Variants in CMSS1 observed in about 807,000 individuals in gnomAD.
CMSS1 encodes protein CMSS1.
In CMSS1, 33 loss-of-function variants were observed where a neutral mutation model predicts 43.5. The observed-to-expected ratio is 0.76, with a 90% CI of 0.57 to 1.01. CMSS1 has a LOEUF of 1.01. Among genes scored for constraint, CMSS1 ranks in the 50% least tolerant of loss-of-function variants. CMSS1 has a pLI of 0.00. For synonymous variants in CMSS1, 115 were observed against 117.2 expected (o/e 0.98, Z 0.12); for missense variants, 313 against 326.4 (o/e 0.96, Z 0.32).
At chr3:99,957,186 C>T (rs575017356) in intron 1 of CMSS1, among the ~76,000 whole-genome samples, 140 of 152,238 alleles carry the variant, frequency 9.2e-4, no homozygotes, top group Non-Finnish European at 1.7e-3. Context: ...AAACATTCAT[C>T]AGGGTGATCT....
chr3:99,982,136 A>G (rs1447679572), intron 1 of CMSS1, among the ~76,000 whole-genome samples: 1 of 152,204 alleles, frequency 6.6e-6, no homozygotes, highest in Admixed American at 6.5e-5. Context: ...TAAAAAACTA[A>G]AACAATATAA....
chr3:100,091,184 C>G (rs1227546184), intron 1 of CMSS1, among the ~76,000 whole-genome samples: 3 of 151,106 alleles, frequency 2.0e-5, no homozygotes, highest in Non-Finnish European at 4.4e-5. Flanking sequence ...ACTCGGGAGG[C>G]TGAGGCAGGA....
intron 1 of CMSS1, among the ~76,000 whole-genome samples, chr3:100,078,760 G>A (rs2065888284): frequency 6.6e-6 from 1 of 152,056 alleles, no homozygotes; most frequent in East Asian, 1.9e-4. Context: ...GCATCATGGC[G>A]GGTGCCTGTA....
chr3:99,931,090 C>A (rs1436439347), intron 1 of CMSS1: 2 of 1,366,288 alleles, frequency 1.5e-6, no homozygotes, highest in Non-Finnish European at 2.0e-6. Context: ...ATAAGAGTAC[C>A]TATTACTGCT....
intron 1 of CMSS1, among the ~76,000 whole-genome samples, chr3:99,821,278 C>T (rs965215079): frequency 3.9e-5 from 6 of 152,184 alleles, no homozygotes; most frequent in African/African-American, 1.2e-4. Flanking sequence ...TGCGTGTTAC[C>T]TGCTACAGAG....
Position 99,817,910 on chromosome 3 carries a change from G to C in CMSS1, c.-70G>C. The C allele has an allele frequency of 6.5e-7, 1 of 1,542,618 alleles. No individual in the cohort carries two copies. Reference sequence around the variant, plus strand: ...GTAGCTACGCCGGCCGCCTGGCTTTGAGACAACGTGATTCTCCGCAGCTGG... The same window carrying C: ...GTAGCTACGCCGGCCGCCTGGCTTTCAGACAACGTGATTCTCCGCAGCTGG... On this transcript the variant is annotated 5_prime_UTR_variant, in exon 1 of 10. Transcript: ENST00000421999.
rs397829321 is a variant in CMSS1 at position 99,947,137 on chromosome 3, C to CAAAAAA, written c.64+129109_64+129114dup. On this transcript the variant is annotated intron_variant, in intron 1 of 9. Coordinates refer to ENST00000421999, the MANE Select transcript of CMSS1 (RefSeq NM_032359.4). The stretch of plus-strand genomic sequence containing the variant: ...TGGGCGACAGAGCAAGACTCTGTCT[C>CAAAAAA]AAAAAAAAAAAAAAAAAAAAGTAAT... 2.0e-3 allele frequency among the ~76,000 whole-genome samples: 178 copies of CAAAAAA among 88,784 alleles called. 4 individuals carry two copies. Among genetic ancestry groups the CAAAAAA allele is most frequent in the Non-Finnish European group, 3.0e-3 (145 of 47,748 alleles). The allele number at this position is 88,784 out of a possible 152,430, so 58.2% of individuals were successfully genotyped here. A position where few individuals can be genotyped will look rare whatever the true frequency, so the allele number is the denominator to read the frequency against.
chr3:99,902,174 G>GT (rs1443860312), intron 1 of CMSS1, among the ~76,000 whole-genome samples: 1 of 152,100 alleles, frequency 6.6e-6, no homozygotes, highest in Non-Finnish European at 1.5e-5. Context: ...TAAAATTAGT[G>GT]TAACTGACTC....
At chr3:99,949,587 A>G (rs1708116602) in intron 1 of CMSS1, among the ~76,000 whole-genome samples, 1 of 152,234 alleles carries the variant, frequency 6.6e-6, no homozygotes, top group African/African-American at 2.4e-5. Context: ...TTCTCAGGGC[A>G]CTAACATGGC....
At chr3:99,904,637 T>C (rs1706552923) in intron 1 of CMSS1, among the ~76,000 whole-genome samples, 2 of 152,178 alleles carry the variant, frequency 1.3e-5, no homozygotes, top group South Asian at 4.1e-4. Flanking sequence ...TTTTTACTTT[T>C]CTTTATGGCT....
chr3:100,101,021 A>G (rs931290228), intron 1 of CMSS1, among the ~76,000 whole-genome samples: 1 of 152,150 alleles, frequency 6.6e-6, no homozygotes, highest in African/African-American at 2.4e-5. Context: ...ACTTGCATGC[A>G]TGTAGGATAG....
intron 1 of CMSS1, among the ~76,000 whole-genome samples, chr3:99,888,865 G>A (rs1422845894): frequency 6.6e-6 from 1 of 151,704 alleles, no homozygotes; most frequent in African/African-American, 2.4e-5. Context: ...GATCTTATTG[G>A]GCTTTCATCT....
At chr3:100,029,270 A>G (rs1271541757) in intron 1 of CMSS1, among the ~76,000 whole-genome samples, 2 of 151,934 alleles carry the variant, frequency 1.3e-5, no homozygotes, top group Non-Finnish European at 2.9e-5. Flanking sequence ...ATTTTAAAAT[A>G]TATTACAAAA....
intron 1 of CMSS1, chr3:99,924,312 A>G: frequency 6.2e-7 from 1 of 1,613,578 alleles, no homozygotes. Flanking sequence ...TCTTCCTCCA[A>G]CTCCAATATG....
At chr3:99,894,911 G>A (rs1383490279) in intron 1 of CMSS1, among the ~76,000 whole-genome samples, 1 of 152,130 alleles carries the variant, frequency 6.6e-6, no homozygotes, top group African/African-American at 2.4e-5. Context: ...AGCTTTTTGT[G>A]GACTAGCTGG....
chr3:100,044,686 A>AT (rs965054264), intron 1 of CMSS1, among the ~76,000 whole-genome samples: 1 of 152,200 alleles, frequency 6.6e-6, no homozygotes, highest in African/African-American at 2.4e-5. Flanking sequence ...CCATTGAAAG[A>AT]TTTTTTTAAT....
At chr3:100,159,685 G>A (rs748343717) in intron 2 of CMSS1, 1 of 228,604 alleles carries the variant, frequency 4.4e-6, no homozygotes, top group Admixed American at 4.8e-5. Flanking sequence ...GGAATCTGGG[G>A]CATTCTATTT....
intron 1 of CMSS1, among the ~76,000 whole-genome samples, chr3:99,959,807 T>G (rs191978268): frequency 6.6e-6 from 1 of 152,228 alleles, no homozygotes; most frequent in African/African-American, 2.4e-5. Context: ...ATTGTACTAA[T>G]GTAATTTTTT....
At chr3:99,904,495 A>G (rs1678964241) in intron 1 of CMSS1, among the ~76,000 whole-genome samples, 1 of 152,238 alleles carries the variant, frequency 6.6e-6, no homozygotes, top group Non-Finnish European at 1.5e-5. Flanking sequence ...TTAGAATAGG[A>G]TATTCCATTA....
Sources: gnomAD v4.1 joint callset for allele counts (sites outside exome capture counted in the v4.1 genomes callset) on GRCh38, gnomAD v4.1.1 for gene constraint, MANE v1.5 for transcripts, NCBI Gene and HGNC (gene_info 2026-07-23, HGNC 2026-07-21) for gene names.